WWOX: variants seen among roughly 807,000 people sequenced by gnomAD.
WWOX encodes the protein WW domain-containing oxidoreductase.
Under a neutral mutation model 46.2 loss-of-function variants are expected in WWOX, and 69 were observed. The observed-to-expected ratio is 1.49, with a 90% confidence interval of 1.23 to 1.82. WWOX has a LOEUF of 1.82. Ranked by LOEUF, WWOX falls within the 40% of genes most tolerant of loss-of-function variation. The probability of loss-of-function intolerance (pLI) is 0.00; values close to 1 mark genes in which losing one functional copy is unlikely to be tolerated. For missense variants in WWOX, 919 were observed against 542.6 expected (o/e 1.69, Z -6.89); for synonymous variants, 359 against 202.6 (o/e 1.77, Z -6.56).
At chr16:78,818,401 C>T (rs116300262) in intron 8 of WWOX, among the ~76,000 whole-genome samples, 3 of 152,164 alleles carry the variant, frequency 2.0e-5, no homozygotes, top group Non-Finnish European at 4.4e-5. Context: ...TTGACTCAGG[C>T]CTTGAAGTGC....
At chr16:79,187,944 ATTG>A (rs1237897173) in intron 8 of WWOX, among the ~76,000 whole-genome samples, 33 of 152,212 alleles carry the variant, frequency 2.2e-4, no homozygotes, top group African/African-American at 7.7e-4. Context: ...GCAAGGCACG[ATTG>A]ATAATGTTCC....
At chr16:78,951,143 T>C (rs8063186) in intron 8 of WWOX, among the ~76,000 whole-genome samples, 80,367 of 152,072 alleles carry the variant, frequency 0.53, 21,514 homozygotes, top group Middle Eastern at 0.65. Flanking sequence ...TGGGGATTGA[T>C]TGGCAACTGG....
chr16:79,032,032 A>C (rs1331979696), intron 8 of WWOX, among the ~76,000 whole-genome samples: 2 of 145,018 alleles, frequency 1.4e-5, no homozygotes, highest in Non-Finnish European at 3.0e-5. Context: ...GGGACATTCT[A>C]CACAGCTCCT....
chr16:79,136,047 C>G (rs1048429224), intron 8 of WWOX, among the ~76,000 whole-genome samples: 4 of 152,114 alleles, frequency 2.6e-5, no homozygotes, highest in Non-Finnish European at 1.5e-5. Context: ...TTTTAACTTT[C>G]TATATTCAAA....
intron 8 of WWOX, among the ~76,000 whole-genome samples, chr16:78,613,866 G>A (rs189953081): frequency 3.0e-3 from 456 of 152,280 alleles, no homozygotes; most frequent in Non-Finnish European, 4.6e-3. Flanking sequence ...TATTACAGGG[G>A]TCAGCAAATT....
At chr16:78,747,759 G>A (rs1451780756) in intron 8 of WWOX, among the ~76,000 whole-genome samples, 1 of 152,192 alleles carries the variant, frequency 6.6e-6, no homozygotes, top group Non-Finnish European at 1.5e-5. Flanking sequence ...AGCCTACAGA[G>A]GAGATGCTGC....
At chr16:78,426,957 C>T (rs574450982) in intron 7 of WWOX, among the ~76,000 whole-genome samples, 8 of 152,278 alleles carry the variant, frequency 5.3e-5, no homozygotes, top group South Asian at 4.1e-4. Flanking sequence ...CCACCACGCC[C>T]GGCCTCTTTG....
intron 5 of WWOX, among the ~76,000 whole-genome samples, chr16:78,250,236 C>T (rs1431038046): frequency 6.6e-6 from 1 of 152,206 alleles, no homozygotes; most frequent in East Asian, 1.9e-4. Flanking sequence ...CTATCTGGCA[C>T]ATTAGCGAGA....
chr16:78,928,310 C>G (rs958813958), intron 8 of WWOX, among the ~76,000 whole-genome samples: 4 of 150,374 alleles, frequency 2.7e-5, no homozygotes, highest in African/African-American at 7.4e-5. Flanking sequence ...TCACGCCATT[C>G]TCCTGCCTCA....
intron 8 of WWOX, among the ~76,000 whole-genome samples, chr16:79,177,084 A>C (rs2050814746): frequency 6.6e-6 from 1 of 152,222 alleles, no homozygotes; most frequent in Non-Finnish European, 1.5e-5. Flanking sequence ...TTTCGAATAT[A>C]AAATTGAAAT....
chr16:79,194,934 C>T (rs1195592520), intron 8 of WWOX, among the ~76,000 whole-genome samples: 1 of 152,114 alleles, frequency 6.6e-6, no homozygotes, highest in Non-Finnish European at 1.5e-5. Flanking sequence ...ACCATGCAGG[C>T]AGAATGAGAT....
At chr16:78,650,095 A>G (rs1436258873) in intron 8 of WWOX, among the ~76,000 whole-genome samples, 3 of 152,216 alleles carry the variant, frequency 2.0e-5, no homozygotes, top group Non-Finnish European at 4.4e-5. Flanking sequence ...ACTGGCTGAA[A>G]TGTCAGAGGA....
intron 8 of WWOX, among the ~76,000 whole-genome samples, chr16:79,067,151 A>G (rs963554395): frequency 2.6e-5 from 4 of 152,212 alleles, no homozygotes; most frequent in Admixed American, 2.6e-4. Context: ...CTGGGGCTCC[A>G]GCTTTCATAG....
At chr16:78,681,624 C>T (rs893590971) in intron 8 of WWOX, among the ~76,000 whole-genome samples, 1 of 151,946 alleles carries the variant, frequency 6.6e-6, no homozygotes, top group Non-Finnish European at 1.5e-5. Flanking sequence ...AGGGACAGAC[C>T]GAGGTTTGAG....
At chr16:78,766,699 G>C (rs577060534) in intron 8 of WWOX, among the ~76,000 whole-genome samples, 2 of 152,182 alleles carry the variant, frequency 1.3e-5, no homozygotes, top group African/African-American at 4.8e-5. Flanking sequence ...TTTGAAAAAA[G>C]GGCCTGAACA....
At chr16:79,033,707 G>A (rs578072931) in intron 8 of WWOX, among the ~76,000 whole-genome samples, 1 of 152,244 alleles carries the variant, frequency 6.6e-6, no homozygotes, top group East Asian at 1.9e-4. Flanking sequence ...ACAGAACACT[G>A]GCTCCTCATC....
chr16:78,825,581 G>T (rs2051629938), intron 8 of WWOX: 2 of 533,966 alleles, frequency 3.7e-6, no homozygotes, highest in Admixed American at 3.9e-5. Context: ...CATTGCCCAG[G>T]TCGAGTCTGC....
At chr16:79,011,127 T>TCCA (rs1195598532) in intron 8 of WWOX, among the ~76,000 whole-genome samples, 1 of 124,932 alleles carries the variant, frequency 8.0e-6, no homozygotes, top group Non-Finnish European at 1.6e-5. Context: ...ATCTACTCAC[T>TCCA]CACACATCCA....
chr16:78,126,394 T>C lies in WWOX; in HGVS notation c.409+11240T>C, dbSNP rs150600022. 4.6e-5 allele frequency among the ~76,000 whole-genome samples: 7 copies of C among 152,342 alleles called. No homozygotes were observed. In the East Asian group the frequency reaches 9.6e-4, roughly 21 times the overall value. On this transcript the variant is annotated intron_variant, in intron 4 of 8. Coordinates refer to ENST00000566780, the MANE Select transcript of WWOX (RefSeq NM_016373.4). ...CAGCATCCTTGCCAAACTTGAGAAT[T>C]AGAATTTTTAAAAAATATCACTTAA...
Sources: allele counts gnomAD v4.1 joint callset (sites outside exome capture counted in the v4.1 genomes callset), GRCh38; gene constraint gnomAD v4.1.1; transcripts MANE v1.5; gene names NCBI Gene and HGNC (gene_info 2026-07-23, HGNC 2026-07-21).